EHBP1: variants seen among roughly 807,000 people sequenced by gnomAD.
EHBP1 encodes EH domain-binding protein 1.
Under a neutral mutation model 144.0 loss-of-function variants are expected in EHBP1, and 55 were observed. The observed-to-expected ratio is 0.38, with a 90% CI of 0.31 to 0.48. The LOEUF is 0.48. EHBP1 is among the 20% of genes least tolerant of loss of function. EHBP1 has a pLI of 0.98. For synonymous variants in EHBP1, 469 were observed against 472.7 expected (o/e 0.99, Z 0.10); for missense variants, 1,200 against 1,364.2 (o/e 0.88, Z 1.90).
intron 7 of EHBP1, among the ~76,000 whole-genome samples, chr2:62,854,948 C>G (rs984875762): frequency 6.6e-6 from 1 of 152,162 alleles, no homozygotes; most frequent in Non-Finnish European, 1.5e-5. Flanking sequence ...AGGTACCCCT[C>G]TATTCTTGGA....
At chr2:62,815,291 G>A (rs1207277937) in intron 5 of EHBP1, among the ~76,000 whole-genome samples, 5 of 152,158 alleles carry the variant, frequency 3.3e-5, no homozygotes, top group African/African-American at 9.7e-5. Flanking sequence ...AAACGAATGA[G>A]GAAATCTGCC....
intron 5 of EHBP1, among the ~76,000 whole-genome samples, chr2:62,783,143 A>G (rs1464892794): frequency 2.0e-5 from 3 of 152,234 alleles, no homozygotes; most frequent in Non-Finnish European, 4.4e-5. Context: ...CTTTGATGCC[A>G]TATCTCACAG....
At chr2:62,898,242 G>A (rs1188139759) in intron 10 of EHBP1, among the ~76,000 whole-genome samples, 1 of 152,074 alleles carries the variant, frequency 6.6e-6, no homozygotes, top group African/African-American at 2.4e-5. Context: ...AAAGATACTT[G>A]GGAGATCTTT....
intron 1 of EHBP1, among the ~76,000 whole-genome samples, chr2:62,697,793 GAACTTGCAAAGTC>G (rs1558514609): frequency 6.6e-6 from 1 of 152,156 alleles, no homozygotes; most frequent in Non-Finnish European, 1.5e-5. Context: ...TGTTGCCTTA[GAACTTGCAAAGTC>G]AACTGAAAGT....
At chr2:63,042,865 AT>A (rs914707007) in intron 21 of EHBP1, among the ~76,000 whole-genome samples, 1 of 151,854 alleles carries the variant, frequency 6.6e-6, no homozygotes, top group Admixed American at 6.6e-5. Context: ...TCTTGGTTTA[AT>A]TTTTTTAATA....
At position 62,952,876 on chromosome 2, in the gene EHBP1, A is replaced by G. The variant is rs1017411149; in HGVS notation, c.2317-2641A>G. Among the ~76,000 whole-genome samples the G allele has an allele frequency of 5.5e-4, 83 of 152,194 alleles. 1 individual carries two copies. The highest frequency in any genetic ancestry group is 2.0e-3 in the African/African-American group (82 of 41,448). Reference sequence around the variant, plus strand: ...TGAATCAAATTCCTTAAAAATCTTTATCTCATTACATCCTACTTTCAGGAA... The same window carrying G: ...TGAATCAAATTCCTTAAAAATCTTTGTCTCATTACATCCTACTTTCAGGAA... On this transcript the variant is annotated intron_variant, in intron 13 of 22. Coordinates refer to ENST00000431489, the MANE Select transcript of EHBP1 (RefSeq NM_001142616.3).
intron 2 of EHBP1, among the ~76,000 whole-genome samples, chr2:62,712,801 G>A (rs2035280638): frequency 6.6e-6 from 1 of 152,138 alleles, no homozygotes; most frequent in African/African-American, 2.4e-5. Context: ...AAGAGTGTGA[G>A]ATGCTTGATT....
chr2:62,914,165 A>C (rs1267346204), intron 10 of EHBP1, among the ~76,000 whole-genome samples: 1 of 152,154 alleles, frequency 6.6e-6, no homozygotes, highest in Non-Finnish European at 1.5e-5. Flanking sequence ...ATTATTTCTG[A>C]AATTATAGAG....
intron 12 of EHBP1, among the ~76,000 whole-genome samples, chr2:62,945,864 A>AAAAG (rs1558958421): frequency 6.6e-6 from 1 of 152,212 alleles, no homozygotes; most frequent in Non-Finnish European, 1.5e-5. Context: ...AAAAAAAGAT[A>AAAAG]ATCTTTAAAA....
chr2:63,015,164 C>T (rs907294740), intron 19 of EHBP1, among the ~76,000 whole-genome samples: 1 of 152,068 alleles, frequency 6.6e-6, no homozygotes, highest in Non-Finnish European at 1.5e-5. Context: ...TTTAAATGTT[C>T]TCTTATCCTG....
intron 2 of EHBP1, among the ~76,000 whole-genome samples, chr2:62,713,817 T>C (rs902427615): frequency 1.3e-5 from 2 of 152,266 alleles, no homozygotes; most frequent in Admixed American, 6.5e-5. Context: ...TGTAATTTCA[T>C]GATAGTATCT....
chr2:62,771,612 T>G (rs2041664783), intron 5 of EHBP1: 1 of 338,054 alleles, frequency 3.0e-6, no homozygotes, highest in Non-Finnish European at 5.3e-6. Flanking sequence ...CTAAATTGTA[T>G]GTATGTTTGT....
At chr2:62,745,624 T>G (rs1166150890) in intron 2 of EHBP1, among the ~76,000 whole-genome samples, 2 of 151,846 alleles carry the variant, frequency 1.3e-5, no homozygotes, top group African/African-American at 4.8e-5. Flanking sequence ...GCTAGAGAGA[T>G]AGATCAGAGT....
At chr2:62,981,841 A>T (rs1190535613) in intron 15 of EHBP1, among the ~76,000 whole-genome samples, 1 of 152,188 alleles carries the variant, frequency 6.6e-6, no homozygotes, top group African/African-American at 2.4e-5. Context: ...TTGACAAATG[A>T]CTTATGAGAA....
intron 10 of EHBP1, among the ~76,000 whole-genome samples, chr2:62,897,043 TACTCC>T (rs2052994776): frequency 1.3e-5 from 2 of 152,238 alleles, no homozygotes; most frequent in Non-Finnish European, 2.9e-5. Flanking sequence ...GTCTTGCTTC[TACTCC>T]TGTACCATTT....
intron 1 of EHBP1, among the ~76,000 whole-genome samples, chr2:62,693,187 G>C (rs1261940608): frequency 6.6e-6 from 1 of 152,060 alleles, no homozygotes; most frequent in African/African-American, 2.4e-5. Flanking sequence ...GCAAATAACA[G>C]TATCTCATTC....
intron 10 of EHBP1, among the ~76,000 whole-genome samples, chr2:62,927,406 T>C (rs2055607509): frequency 6.6e-6 from 1 of 152,206 alleles, no homozygotes; most frequent in Non-Finnish European, 1.5e-5. Flanking sequence ...ATGATGGATA[T>C]GTGAAATACC....
chr2:62,767,411 G>C (rs1490469480), intron 4 of EHBP1, among the ~76,000 whole-genome samples: 2 of 151,860 alleles, frequency 1.3e-5, no homozygotes, highest in East Asian at 3.9e-4. Context: ...ATAAAAGTAG[G>C]GTATGACCAG....
At chr2:62,826,059 C>G in intron 5 of EHBP1, 28 bp from the exon 6 acceptor site, 3 of 1,423,218 alleles carry the variant, frequency 2.1e-6, no homozygotes, top group Non-Finnish European at 2.8e-6. Context: ...CTCAAAATTA[C>G]ATACTTTTTT....
Sources: gnomAD v4.1 joint callset for allele counts (sites outside exome capture counted in the v4.1 genomes callset) on GRCh38, gnomAD v4.1.1 for gene constraint, MANE v1.5 for transcripts, NCBI Gene and HGNC (gene_info 2026-07-23, HGNC 2026-07-21) for gene names.